Variants in FREM1 observed in about 807,000 individuals in gnomAD.
The protein encoded by FREM1 is FRAS1 related extracellular matrix 1, also known as FRAS1-related extracellular matrix protein 1.
In FREM1, 220 loss-of-function variants were observed where a neutral mutation model predicts 210.1. That is an observed-to-expected ratio of 1.05 (90% CI 0.94 to 1.17). FREM1 has a LOEUF of 1.17. Ranked by LOEUF, FREM1 falls within the 50% of genes most tolerant of loss-of-function variation. FREM1 has a pLI of 0.00. For synonymous variants in FREM1, 1,189 were observed against 980.2 expected (o/e 1.21, Z -3.98); for missense variants, 3,454 against 2,675.5 (o/e 1.29, Z -6.42).
At chr9:14,860,780 T>TACACATATATTCATATATATAC (rs372732430) in intron 3 of FREM1, among the ~76,000 whole-genome samples, 1 of 85,786 alleles carries the variant, frequency 1.2e-5, no homozygotes, top group African/African-American at 5.9e-5. Context: ...TACACATATA[T>TACACATATATTCATATATATAC]ACATATATAC....
chr9:14,812,721 T>A, intron 16 of FREM1, 91 bp downstream of exon 16: 1 of 1,329,878 alleles, frequency 7.5e-7, no homozygotes, highest in Non-Finnish European at 1.0e-6. Flanking sequence ...GAAGTAACCA[T>A]TCTGACTGTT....
At chr9:14,758,371 T>G (rs1844816698) in intron 28 of FREM1, among the ~76,000 whole-genome samples, 1 of 152,118 alleles carries the variant, frequency 6.6e-6, no homozygotes, top group African/African-American at 2.4e-5. Flanking sequence ...CATATGGTGC[T>G]TTCTATGGAG....
chr9:14,878,377 C>T (rs141350600), intron 1 of FREM1, among the ~76,000 whole-genome samples: 14 of 152,178 alleles, frequency 9.2e-5, no homozygotes, highest in East Asian at 1.9e-4. Context: ...CTGACTTGAA[C>T]GTTCTTCCCC....
chr9:14,809,881 T>C (rs940245213), intron 16 of FREM1, among the ~76,000 whole-genome samples: 4 of 13,438 alleles, frequency 3.0e-4, no homozygotes, highest in Admixed American at 3.3e-3. Flanking sequence ...ATAGCACAGA[T>C]GTATGTATGT....
intron 1 of FREM1, among the ~76,000 whole-genome samples, chr9:14,884,164 G>T (rs1205975576): frequency 6.6e-6 from 1 of 152,170 alleles, no homozygotes; most frequent in African/African-American, 2.4e-5. Flanking sequence ...GGGAGGCGGA[G>T]GTTGCAGTGA....
At chr9:14,866,422 A>G (rs964878527) in intron 2 of FREM1, among the ~76,000 whole-genome samples, 3 of 152,220 alleles carry the variant, frequency 2.0e-5, no homozygotes, top group Non-Finnish European at 4.4e-5. Flanking sequence ...AGAGACTGCC[A>G]TATACGGTAA....
intron 1 of FREM1, among the ~76,000 whole-genome samples, chr9:14,909,481 G>T (rs997468821): frequency 3.9e-5 from 6 of 152,130 alleles, no homozygotes; most frequent in Non-Finnish European, 7.3e-5. Flanking sequence ...CTTAAGCAAA[G>T]GTATCCAGAC....
At chr9:14,905,527 G>T (rs1030278953) in intron 1 of FREM1, among the ~76,000 whole-genome samples, 7 of 152,208 alleles carry the variant, frequency 4.6e-5, no homozygotes, top group African/African-American at 1.7e-4. Context: ...CATTGCCCTT[G>T]ATTTCTCAAT....
chr9:14,860,547 A>AGTGTG (rs1829634059), intron 3 of FREM1, among the ~76,000 whole-genome samples: 1 of 57,438 alleles, frequency 1.7e-5, no homozygotes, highest in African/African-American at 1.3e-4. Context: ...ATATATACAC[A>AGTGTG]TATATATACA....
Position 14,860,990 on chromosome 9 carries a change from T to C in FREM1, c.330-1506A>G, listed in dbSNP as rs1285587044. Among the ~76,000 whole-genome samples, 94 of 116,034 alleles carry C rather than the reference T, an allele frequency of 8.1e-4. 14 individuals carry two copies. Among genetic ancestry groups the C allele is most frequent in the African/African-American group, 3.1e-3 (79 of 25,832 alleles). 76.1% of individuals were successfully genotyped at this position (116,034 alleles called of 152,430 possible). On this transcript the variant is annotated intron_variant, in intron 3 of 36. Coordinates refer to ENST00000380880, the MANE Select transcript of FREM1 (RefSeq NM_001379081.2). ...ACATATATACATATATACACATATATACATATATATACACATATATACATA... is the reference window on the plus strand; with the variant it reads ...ACATATATACATATATACACATATACACATATATATACACATATATACATA...
intron 16 of FREM1, 30 bp from the exon 17 acceptor site, chr9:14,808,164 C>A: frequency 2.8e-6 from 4 of 1,454,088 alleles, no homozygotes; most frequent in Non-Finnish European, 3.7e-6. Context: ...CTGAAACCTG[C>A]CTTTTAAAAA....
rs578046556 is a variant in FREM1, at chr9:14,747,086, T to C, written c.6010-35A>G. On this transcript the variant is annotated intron_variant, in intron 33 of 36. Coordinates refer to ENST00000380880, the MANE Select transcript of FREM1 (RefSeq NM_001379081.2). ...GGAAAGGCAATTTAGCAATTTAGAATTGACTTAAGGAAAGTTGCTCACACA... is the reference window on the plus strand; with the variant it reads ...GGAAAGGCAATTTAGCAATTTAGAACTGACTTAAGGAAAGTTGCTCACACA... 3.7e-6 allele frequency: 6 copies of C among 1,612,576 alleles called. No individual in the cohort carries two copies. The African/African-American group carries it at 4.0e-5, about 11-fold the overall frequency.
chr9:14,800,765 T>A (rs1327663019), intron 20 of FREM1, among the ~76,000 whole-genome samples: 1 of 152,228 alleles, frequency 6.6e-6, no homozygotes, highest in Non-Finnish European at 1.5e-5. Flanking sequence ...TAGGGCTTCC[T>A]GTCCTACATT....
rs1209404186 is a variant in FREM1 at position 14,836,437 on chromosome 9, T to C, written c.1881+5010A>G. ...TAAATGAAACATGCTGCTTTTGGATTAACACCTAGTAAAGGAAAGGAAAAT... is the reference window on the plus strand; with the variant it reads ...TAAATGAAACATGCTGCTTTTGGATCAACACCTAGTAAAGGAAAGGAAAAT... On this transcript the variant is annotated intron_variant, in intron 10 of 36. Transcript: ENST00000380880. This position sits in a 1 kb window ranked among gnomAD's most constrained non-coding sequence, Gnocchi z 4.9. Among the ~76,000 whole-genome samples, 2 of 152,218 alleles carry C rather than the reference T, an allele frequency of 1.3e-5. No individual in the cohort carries two copies. The highest frequency in any genetic ancestry group is 3.8e-4 in the East Asian group (2 of 5,198).
intron 1 of FREM1, among the ~76,000 whole-genome samples, chr9:14,881,020 G>C (rs575627992): frequency 6.6e-6 from 1 of 152,276 alleles, no homozygotes; most frequent in South Asian, 2.1e-4. Flanking sequence ...AAAATACAAA[G>C]GCACCGGTGG....
At chr9:14,776,804 G>A (rs923339107) in intron 24 of FREM1, among the ~76,000 whole-genome samples, 2 of 152,122 alleles carry the variant, frequency 1.3e-5, no homozygotes, top group African/African-American at 2.4e-5. Flanking sequence ...CCATGGCTCT[G>A]AAAAATGAAG....
chr9:14,822,413 G>A (rs11788492), intron 13 of FREM1, among the ~76,000 whole-genome samples: 1,724 of 152,200 alleles, frequency 0.011, 13 homozygotes, highest in Non-Finnish European at 0.017. Flanking sequence ...GTAGGCACCC[G>A]GGAAAGTGAC....
intron 16 of FREM1, among the ~76,000 whole-genome samples, chr9:14,810,494 C>T (rs1222718240): frequency 6.6e-6 from 1 of 152,074 alleles, no homozygotes; most frequent in Non-Finnish European, 1.5e-5. Context: ...CTCTGCTGCC[C>T]AGGTTGGAGT....
chr9:14,879,322 T>C (rs1164757346), intron 1 of FREM1, among the ~76,000 whole-genome samples: 1 of 151,052 alleles, frequency 6.6e-6, no homozygotes, highest in Non-Finnish European at 1.5e-5. Context: ...GTTGAGGAGG[T>C]TGAGATTCTT....
Sources: allele counts gnomAD v4.1 joint callset (sites outside exome capture counted in the v4.1 genomes callset), GRCh38; gene constraint gnomAD v4.1.1; non-coding constraint Gnocchi (gnomAD v3.1); transcripts MANE v1.5; gene names NCBI Gene and HGNC (gene_info 2026-07-23, HGNC 2026-07-21).